SPATA6L: variants seen among roughly 807,000 people sequenced by gnomAD.
The protein encoded by SPATA6L is spermatogenesis associated 6-like protein.
In SPATA6L, 68 loss-of-function variants were observed where a neutral mutation model predicts 49.2. The ratio of observed to expected loss-of-function variants is 1.38; its 90% CI spans 1.14 to 1.69. The LOEUF (loss-of-function observed/expected upper bound fraction) is 1.69. Among genes scored for constraint, SPATA6L ranks in the 40% most tolerant of loss-of-function variants. SPATA6L has a pLI of 0.00. For synonymous variants in SPATA6L, 198 were observed against 165.7 expected (o/e 1.19, Z -1.50); for missense variants, 668 against 464.3 (o/e 1.44, Z -4.03).
Position 4,662,246 on chromosome 9 carries a change from T to C in SPATA6L, c.40-210A>G. The C allele has an allele frequency of 7.0e-7, 1 of 1,433,918 alleles. No homozygotes were observed. Among genetic ancestry groups the C allele is most frequent in the South Asian group, 1.5e-5 (1 of 67,054 alleles). 88.8% of individuals were successfully genotyped at this position (1,433,918 alleles called of 1,614,324 possible). A position where few individuals can be genotyped will look rare whatever the true frequency, so the allele number is the denominator to read the frequency against. On this transcript the variant is annotated intron_variant, in intron 1 of 11. Coordinates refer to ENST00000682582, the MANE Select transcript of SPATA6L (RefSeq NM_001353486.2). The surrounding 1 kb of genome is among the most constrained non-coding windows in gnomAD (Gnocchi z 4.9). ...CTCCCTCCCACGTCTCCACCAGGTGTCACAATCGCGCTCTCGCCGGCTCCT... is the reference window on the plus strand; with the variant it reads ...CTCCCTCCCACGTCTCCACCAGGTGCCACAATCGCGCTCTCGCCGGCTCCT...
rs1031272818 is a variant in SPATA6L, at chr9:4,615,709, G to A, written c.995+2214C>T. Reference sequence around the variant, plus strand: ...TATTCAGTGACAAGGGGGTATGTCTGCCTTCCTGTCTAGTATGTGAGCCAG... The same window carrying A: ...TATTCAGTGACAAGGGGGTATGTCTACCTTCCTGTCTAGTATGTGAGCCAG... On this transcript the variant is annotated intron_variant, in intron 9 of 11. Coordinates refer to ENST00000682582, the MANE Select transcript of SPATA6L (RefSeq NM_001353486.2). Among the ~76,000 whole-genome samples, 6 of 152,264 alleles carry A rather than the reference G, an allele frequency of 3.9e-5. No individual in the cohort carries two copies. The South Asian group carries it at 8.3e-4, about 21-fold the overall frequency.
chr9:4,648,463 G>T (rs1397897999), intron 3 of SPATA6L, among the ~76,000 whole-genome samples: 1 of 152,094 alleles, frequency 6.6e-6, no homozygotes, highest in African/African-American at 2.4e-5. Context: ...ACTTTGGGAG[G>T]CCGAGGCGGG....
At chr9:4,654,196 T>C (rs1382790326) in intron 3 of SPATA6L, among the ~76,000 whole-genome samples, 1 of 152,172 alleles carries the variant, frequency 6.6e-6, no homozygotes, top group Non-Finnish European at 1.5e-5. Context: ...CATACATTGC[T>C]GGTGGGATGT....
At chr9:4,638,264 T>G (rs1162332242) in intron 3 of SPATA6L, among the ~76,000 whole-genome samples, 1 of 152,132 alleles carries the variant, frequency 6.6e-6, no homozygotes, top group African/African-American at 2.4e-5. Context: ...CAGACTGGAG[T>G]GCAGTGGCAC....
At chr9:4,601,497 T>G (rs1336970974) in intron 11 of SPATA6L, among the ~76,000 whole-genome samples, 1 of 152,132 alleles carries the variant, frequency 6.6e-6, no homozygotes, top group African/African-American at 2.4e-5. Flanking sequence ...AATAGATGTA[T>G]TCCAACCCCT....
intron 9 of SPATA6L, among the ~76,000 whole-genome samples, chr9:4,605,980 G>A (rs1189997583): frequency 6.6e-6 from 1 of 152,158 alleles, no homozygotes; most frequent in African/African-American, 2.4e-5. Flanking sequence ...GAAGCAGGGC[G>A]AGGCATTGCC....
At chr9:4,616,069 T>C (rs1250285631) in intron 9 of SPATA6L, among the ~76,000 whole-genome samples, 1 of 152,064 alleles carries the variant, frequency 6.6e-6, no homozygotes, top group African/African-American at 2.4e-5. Flanking sequence ...CCCAGGAGTT[T>C]GAGAAGAGCC....
At chr9:4,625,276 A>T (rs745688709) in intron 6 of SPATA6L, 51 bp downstream of exon 6, 1 of 1,556,060 alleles carries the variant, frequency 6.4e-7, no homozygotes, top group Admixed American at 2.0e-5. Context: ...TTCCACCCTC[A>T]TCCATATCCT....
In SPATA6L at chr9:4,609,054, G is replaced by C. The variant is rs575526920; in HGVS notation, c.996-3614C>G. ...TAAACTACAAAATCTAGAAGAAATG[G>C]ATAAATTCCTCGACACATACGCTCT... On this transcript the variant is annotated intron_variant, in intron 9 of 11. Transcript: ENST00000682582. 2.7e-4 allele frequency among the ~76,000 whole-genome samples: 40 copies of C among 150,838 alleles called. 1 individual carries two copies. The South Asian group carries it at 7.9e-3, about 30-fold the overall frequency.
intron 13 of SPATA6L, among the ~76,000 whole-genome samples, chr9:4,590,329 C>T (rs1821826053): frequency 6.6e-6 from 1 of 152,172 alleles, no homozygotes; most frequent in Non-Finnish European, 1.5e-5. Context: ...ATGGCCTGGG[C>T]TGCATGCACA....
downstream of SPATA6L, among the ~76,000 whole-genome samples, chr9:4,595,555 T>C (rs1271922158): frequency 2.6e-5 from 4 of 152,200 alleles, no homozygotes; most frequent in East Asian, 1.9e-4. Context: ...CTTCAGAAGA[T>C]ACCCCAAAGG....
At chr9:4,616,846 A>G (rs530274903) in intron 9 of SPATA6L, among the ~76,000 whole-genome samples, 15 of 152,284 alleles carry the variant, frequency 9.9e-5, no homozygotes, top group African/African-American at 3.4e-4. Context: ...TGGCCTCCCA[A>G]ACTGCTGGGA....
At chr9:4,661,765 C>CTTCAAGGCCG in intron 2 of SPATA6L, 134 bp downstream of exon 2, 61 of 1,218,954 alleles carry the variant, frequency 5.0e-5, no homozygotes, top group Non-Finnish European at 5.7e-5. Context: ...TGCGGTTTTG[C>CTTCAAGGCCG]ATTGTGCTGA....
At chr9:4,616,133 C>G (rs781246971) in intron 9 of SPATA6L, among the ~76,000 whole-genome samples, 2 of 151,988 alleles carry the variant, frequency 1.3e-5, no homozygotes, top group African/African-American at 4.8e-5. Context: ...GAAAATTAGC[C>G]GGGCATGCCG....
At position 4,653,252 on chromosome 9, in the gene SPATA6L, A is replaced by G. The variant is rs114681023; in HGVS notation, c.226+2789T>C. On this transcript the variant is annotated intron_variant, in intron 3 of 11. Coordinates refer to ENST00000682582, the MANE Select transcript of SPATA6L (RefSeq NM_001353486.2). ...TCAACAAGGGTACCAAGACAATTCAATGAGGGAAAGAATGGTCTTTTATCA... is the reference window on the plus strand; with the variant it reads ...TCAACAAGGGTACCAAGACAATTCAGTGAGGGAAAGAATGGTCTTTTATCA... Among the ~76,000 whole-genome samples the G allele has an allele frequency of 2.9e-3, 440 of 152,362 alleles. 1 individual carries two copies. The highest frequency in any genetic ancestry group is 0.01 in the African/African-American group (420 of 41,582).
At chr9:4,614,319 A>G (rs1243716548) in intron 9 of SPATA6L, among the ~76,000 whole-genome samples, 1 of 152,194 alleles carries the variant, frequency 6.6e-6, no homozygotes, top group African/African-American at 2.4e-5. Flanking sequence ...TCTCATTCCA[A>G]AATTTGTCTC....
At chr9:4,654,371 C>G (rs1336047729) in intron 3 of SPATA6L, among the ~76,000 whole-genome samples, 1 of 152,172 alleles carries the variant, frequency 6.6e-6, no homozygotes, top group Non-Finnish European at 1.5e-5. Context: ...TCTAGAGGAG[C>G]AGACAGACGG....
intron 11 of SPATA6L, among the ~76,000 whole-genome samples, chr9:4,602,172 T>A (rs1037019853): frequency 6.6e-6 from 1 of 151,650 alleles, no homozygotes; most frequent in African/African-American, 2.4e-5. Context: ...CTTCTCTCTA[T>A]CCCCCCACAT....
At position 4,600,493 on chromosome 9, in the gene SPATA6L, C is replaced by CAAAGAGAGAGAGAGAGAG. The variant is rs1822965894; in HGVS notation, c.*317_*318insCTCTCTCTCTCTCTCTTT. 1 of 133,686 alleles carries CAAAGAGAGAGAGAGAGAG rather than the reference C, an allele frequency of 7.5e-6. No individual in the cohort carries two copies. Among genetic ancestry groups the CAAAGAGAGAGAGAGAGAG allele is most frequent in the African/African-American group, 2.7e-5 (1 of 37,720 alleles). 8.3% of individuals were successfully genotyped at this position (133,686 alleles called of 1,614,324 possible). ...AGAGACAGAGAGAGCCAGAGAGAGC[C>CAAAGAGAGAGAGAGAGAG]AGAGAGAGAGAGAGGGGAAGTGTTC... On this transcript the variant is annotated 3_prime_UTR_variant, in exon 12 of 12. Coordinates refer to ENST00000682582, the MANE Select transcript of SPATA6L (RefSeq NM_001353486.2).
Sources: gnomAD v4.1 joint callset for allele counts (sites outside exome capture counted in the v4.1 genomes callset) on GRCh38, gnomAD v4.1.1 for gene constraint, Gnocchi (gnomAD v3.1) non-coding constraint, MANE v1.5 for transcripts, NCBI Gene and HGNC (gene_info 2026-07-23, HGNC 2026-07-21) for gene names.